Variants in TNS1 observed in about 807,000 individuals in gnomAD.
TNS1 encodes the protein tensin-1.
A neutral mutation model predicts 168.6 loss-of-function variants in TNS1; 62 were observed. The observed-to-expected ratio is 0.37, with a 90% CI of 0.30 to 0.45. TNS1 has a LOEUF of 0.45. Ranked by LOEUF, TNS1 falls within the 20% of genes least tolerant of loss-of-function variation. The pLI is 1.00. For missense variants in TNS1, 2,240 were observed against 2,339.4 expected (o/e 0.96, Z 0.88); for synonymous variants, 934 against 933.2 (o/e 1.00, Z -0.02).
At chr2:217,908,539 A>G (rs1002058345) in intron 4 of TNS1, among the ~76,000 whole-genome samples, 2 of 152,176 alleles carry the variant, frequency 1.3e-5, no homozygotes, top group Non-Finnish European at 2.9e-5. Context: ...TGAGCTGCTC[A>G]TGTCCAAAGG....
Position 217,885,847 on chromosome 2 carries a change from A to T in TNS1, c.1041-28T>A, listed in dbSNP as rs763903874. The T allele has an allele frequency of 5.0e-6, 8 of 1,612,208 alleles. No individual in the cohort carries two copies. In the African/African-American group the frequency reaches 5.3e-5, roughly 11 times the overall value. On this transcript the variant is annotated intron_variant, in intron 14 of 32. Coordinates refer to ENST00000682258, the MANE Select transcript of TNS1 (RefSeq NM_001387777.1). ...AAGGGAGAGAGGTGGGCAGAAAAAG[A>T]GTGGGCTGCTGGAGGGGAGATGAGG... is the stretch of plus-strand genomic sequence containing the variant.
Position 217,804,503 on chromosome 2 carries a change from TGAC to T in TNS1, c.5473_5475del (p.Val1825del). 1.2e-6 allele frequency: 2 copies of T among 1,613,998 alleles called. No homozygotes were observed. Among genetic ancestry groups the T allele is most frequent in the Non-Finnish European group, 1.7e-6 (2 of 1,179,982 alleles). The stretch of plus-strand genomic sequence containing the variant: ...TTCAGCATGACCTTGGAGACGAAGT[TGAC>T]GATGGCAGAGGCCGGCTGGTTGGGG... On this transcript the variant is annotated inframe_deletion, in exon 33 of 33. Coordinates refer to ENST00000682258, the MANE Select transcript of TNS1 (RefSeq NM_001387777.1).
In TNS1 at chr2:217,885,917, G is replaced by A. The variant is rs561541345; in HGVS notation, c.1041-98C>T. 2.2e-5 allele frequency: 34 copies of A among 1,553,250 alleles called. No homozygotes were observed. In the African/African-American group the frequency reaches 4.2e-4, roughly 19 times the overall value. ...CTGCCCCTACGCCACAGGGTTAGTG[G>A]GAAACCTCTCTGACTCTGTCCTTTC... On this transcript the variant is annotated intron_variant, in intron 14 of 32. Transcript: ENST00000682258.
chr2:217,838,020 T>G (rs558205734), intron 19 of TNS1, among the ~76,000 whole-genome samples: 1 of 152,178 alleles, frequency 6.6e-6, no homozygotes, highest in African/African-American at 2.4e-5. Flanking sequence ...GAAACAGACA[T>G]AGCCATTGAT....
chr2:217,944,399 T>G (rs1422432800), intron 3 of TNS1, among the ~76,000 whole-genome samples: 1 of 152,082 alleles, frequency 6.6e-6, no homozygotes, highest in Middle Eastern at 3.2e-3. Flanking sequence ...GGGTCAAGAC[T>G]CTATAGAAAA....
At chr2:217,949,289 C>A (rs371971981) in intron 3 of TNS1, among the ~76,000 whole-genome samples, 1 of 152,378 alleles carries the variant, frequency 6.6e-6, no homozygotes, top group South Asian at 2.1e-4. Context: ...TGCACACAAA[C>A]CCCTGTCTCC....
chr2:217,847,899 G>C lies in TNS1; in HGVS notation c.2618C>G (p.Pro873Arg), dbSNP rs1460041160. Residue 873 changes from proline to arginine, a missense_variant, in exon 19 of 33, where the codon CCC becomes CGC. Around this residue, in one of 2 missense-constraint regions of TNS1, gnomAD observed 2,131 missense variants for 2,171.2 expected, o/e 0.98. Coordinates refer to ENST00000682258, the MANE Select transcript of TNS1 (RefSeq NM_001387777.1). The part of the protein sequence containing the change: ...WPGASPLSSQ[P>R]LSGSSRQSHP... ...GGACTGACGGGAGGATCCAGAGAGGGGCTGGGAGGAGAGTGGAGAAGCCCC... is the reference window on the plus strand; with the variant it reads ...GGACTGACGGGAGGATCCAGAGAGGCGCTGGGAGGAGAGTGGAGAAGCCCC... 1.0e-5 allele frequency: 16 copies of C among 1,544,580 alleles called. No individual in the cohort carries two copies. Among genetic ancestry groups the C allele is most frequent in the Non-Finnish European group, 1.4e-5 (16 of 1,138,660 alleles).
intron 1 of TNS1, among the ~76,000 whole-genome samples, chr2:218,018,491 C>T (rs1034144960): frequency 6.6e-6 from 1 of 152,252 alleles, no homozygotes; most frequent in Admixed American, 6.5e-5. Flanking sequence ...GAAACCAAAA[C>T]CTATTTCCAG....
At chr2:217,893,127 T>A in intron 10 of TNS1, 115 bp from the exon 11 acceptor site, 2 of 1,329,438 alleles carry the variant, frequency 1.5e-6, no homozygotes, top group Non-Finnish European at 2.1e-6. Context: ...GGTGTGGATT[T>A]AAGGGAGAAC....
chr2:217,924,320 AC>A (rs1477225806), intron 3 of TNS1, among the ~76,000 whole-genome samples: 1 of 151,896 alleles, frequency 6.6e-6, no homozygotes, highest in Non-Finnish European at 1.5e-5. Context: ...TCTCTCACAC[AC>A]ACACACACAC....
In TNS1 at chr2:217,991,060, TG is replaced by T; in HGVS notation, c.34-5del. ...TGGGGGCCTCCAGATCCTCTGGCTG[TG>T]GGAGGAGAGGCACAGAGTCAGCCCT... is the stretch of plus-strand genomic sequence containing the variant. On this transcript the variant is annotated splice_polypyrimidine_tract_variant and splice_region_variant and intron_variant, in intron 1 of 32. Transcript: ENST00000682258. 1.5e-6 allele frequency: 1 copy of T among 667,224 alleles called. No homozygotes were observed. Among genetic ancestry groups the T allele is most frequent in the Non-Finnish European group, 2.8e-6 (1 of 360,538 alleles). 41.3% of individuals were successfully genotyped at this position (667,224 alleles called of 1,614,324 possible). A position where few individuals can be genotyped will look rare whatever the true frequency, so the allele number is the denominator to read the frequency against.
At chr2:218,013,756 G>A (rs1574481308), upstream of TNS1, among the ~76,000 whole-genome samples, 1 of 152,076 alleles carries the variant, frequency 6.6e-6, no homozygotes. Context: ...GCTATACTGG[G>A]GGTCTGGCCA....
At chr2:217,835,918 A>T in intron 20 of TNS1, 97 bp downstream of exon 20, 1 of 1,082,606 alleles carries the variant, frequency 9.2e-7, no homozygotes. Context: ...ATCACTGAGT[A>T]TACTGATATC....
intron 23 of TNS1, among the ~76,000 whole-genome samples, chr2:217,819,521 T>C (rs1236187177): frequency 6.6e-6 from 1 of 152,214 alleles, no homozygotes; most frequent in Non-Finnish European, 1.5e-5. Context: ...CTACCAATTC[T>C]GACTCTGAAA....
At chr2:218,015,066 C>A (rs1958745845), upstream of TNS1, among the ~76,000 whole-genome samples, 1 of 152,150 alleles carries the variant, frequency 6.6e-6, no homozygotes, top group African/African-American at 2.4e-5. Context: ...ACCATGAAGT[C>A]TTTAGGCACC....
intron 1 of TNS1, among the ~76,000 whole-genome samples, chr2:218,029,842 C>G (rs1216710957): frequency 6.6e-6 from 1 of 152,132 alleles, no homozygotes; most frequent in Non-Finnish European, 1.5e-5. Context: ...TATGTGAGTA[C>G]GTGCGTGTGT....
In TNS1 at chr2:217,885,783, G is replaced by T. The variant is rs1407148232; in HGVS notation, c.1077C>A (p.Ile359=). The T allele has an allele frequency of 6.2e-7, 1 of 1,614,202 alleles. No individual in the cohort carries two copies. Among genetic ancestry groups the T allele is most frequent in the Admixed American group, 1.7e-5 (1 of 60,022 alleles). ...TCAAGAGCAGTCCTGGCTCGATGGTGATGCAGACGCTAGTCTGGCTGTCTC... is the reference window on the plus strand; with the variant it reads ...TCAAGAGCAGTCCTGGCTCGATGGTTATGCAGACGCTAGTCTGGCTGTCTC... ...IPGDSQTSVC[I]TIEPGLLLKG... The change falls in exon 15 of 33, where the codon ATC becomes ATA. Residue 359 remains isoleucine (I), a synonymous_variant. Transcript: ENST00000682258.
At chr2:217,877,902 C>A (rs1348668899) in intron 18 of TNS1, among the ~76,000 whole-genome samples, 6 of 152,176 alleles carry the variant, frequency 3.9e-5, no homozygotes, top group Non-Finnish European at 7.4e-5. Context: ...TCCCTGCCCC[C>A]CTCCTCCAAG....
intron 22 of TNS1, among the ~76,000 whole-genome samples, chr2:217,828,111 G>A (rs1037152142): frequency 6.6e-6 from 1 of 152,230 alleles, no homozygotes; most frequent in African/African-American, 2.4e-5. Context: ...AGGACCAGCA[G>A]TCAGCCTCCA....
Sources: allele counts gnomAD v4.1 joint callset (sites outside exome capture counted in the v4.1 genomes callset), GRCh38; gene constraint gnomAD v4.1.1; regional missense constraint gnomAD v4.1.1; transcripts MANE v1.5; gene names NCBI Gene and HGNC (gene_info 2026-07-23, HGNC 2026-07-21).